ALK: variants seen among roughly 807,000 people sequenced by gnomAD.
ALK encodes the protein ALK receptor tyrosine kinase, also known as ALK tyrosine kinase receptor.
ALK carries 74 observed loss-of-function variants against 163.1 expected under a neutral mutation model. That is an observed-to-expected ratio of 0.45 (90% CI 0.38 to 0.55). The LOEUF (loss-of-function observed/expected upper bound fraction) is 0.55, where lower values mean the gene tolerates loss of function less well. Among genes scored for constraint, ALK ranks in the 20% least tolerant of loss-of-function variants. ALK has a pLI of 0.00. For synonymous variants in ALK, 960 were observed against 843.2 expected (o/e 1.14, Z -2.40); for missense variants, 2,063 against 2,105.3 (o/e 0.98, Z 0.39).
intron 13 of ALK, 42 bp downstream of exon 13, chr2:29,239,638 C>T: frequency 1.9e-6 from 3 of 1,611,534 alleles, no homozygotes; most frequent in Non-Finnish European, 2.5e-6. Flanking sequence ...TTCCCGGGGC[C>T]TGACAGAGTG....
intron 1 of ALK, among the ~76,000 whole-genome samples, chr2:29,858,397 C>G (rs1042980551): frequency 6.6e-6 from 1 of 152,010 alleles, no homozygotes; most frequent in African/African-American, 2.4e-5. Flanking sequence ...CCACCCCCCT[C>G]TCGCACAGCA....
intron 9 of ALK, among the ~76,000 whole-genome samples, chr2:29,291,899 G>A (rs1231709540): frequency 1.3e-5 from 2 of 152,140 alleles, no homozygotes; most frequent in Non-Finnish European, 2.9e-5. Flanking sequence ...GGAGAGTGTT[G>A]TTATTGACAG....
intron 3 of ALK, among the ~76,000 whole-genome samples, chr2:29,676,330 T>A (rs1350027233): frequency 6.6e-6 from 1 of 152,082 alleles, no homozygotes; most frequent in East Asian, 1.9e-4. Context: ...AACTGTATAC[T>A]TTTGGCTCTT....
At chr2:29,658,946 T>A (rs1677269632) in intron 3 of ALK, among the ~76,000 whole-genome samples, 1 of 152,158 alleles carries the variant, frequency 6.6e-6, no homozygotes, top group Admixed American at 6.5e-5. Flanking sequence ...TTCAAAATTA[T>A]GAAGTTTTCA....
chr2:29,730,578 A>G (rs578170103), intron 1 of ALK, among the ~76,000 whole-genome samples: 1 of 152,358 alleles, frequency 6.6e-6, no homozygotes, highest in Admixed American at 6.5e-5. Context: ...ATAAAGGTTT[A>G]ATAAGATAAG....
chr2:29,664,965 G>A (rs1004867914), intron 3 of ALK, among the ~76,000 whole-genome samples: 2 of 151,320 alleles, frequency 1.3e-5, no homozygotes, highest in Non-Finnish European at 2.9e-5. Flanking sequence ...GCCTTCCATT[G>A]AGAACCTGGT....
In ALK at chr2:29,292,308, G is replaced by A. The variant is rs182666277; in HGVS notation, c.1817+4580C>T. Among the ~76,000 whole-genome samples the A allele has an allele frequency of 3.9e-5, 6 of 152,312 alleles. No individual in the cohort carries two copies. The South Asian group carries it at 1.2e-3, about 32-fold the overall frequency. On this transcript the variant is annotated intron_variant, in intron 9 of 28. Transcript: ENST00000389048. ...TCCATCTCATAACGAGTTGAACTTA[G>A]CATGGCTTCTGCTCTGTAAGCGTGT...
chr2:29,604,258 G>C (rs1675476248), intron 3 of ALK, among the ~76,000 whole-genome samples: 1 of 151,694 alleles, frequency 6.6e-6, no homozygotes, highest in Non-Finnish European at 1.5e-5. Flanking sequence ...TCAAATTTCG[G>C]TGTTCATAAG....
chr2:29,851,492 T>C (rs1340725664), intron 1 of ALK, among the ~76,000 whole-genome samples: 1 of 152,196 alleles, frequency 6.6e-6, no homozygotes, highest in African/African-American at 2.4e-5. Flanking sequence ...TCTCAGATTT[T>C]ATTAAAGTCA....
intron 9 of ALK, among the ~76,000 whole-genome samples, chr2:29,276,565 CA>C (rs1249962954): frequency 1.3e-5 from 2 of 152,082 alleles, no homozygotes; most frequent in Non-Finnish European, 2.9e-5. Flanking sequence ...GGTATGAAAA[CA>C]CCAAGAGAAA....
intron 3 of ALK, among the ~76,000 whole-genome samples, chr2:29,638,004 G>A (rs1317064332): frequency 1.7e-5 from 2 of 118,986 alleles, no homozygotes; most frequent in Non-Finnish European, 1.9e-5. Context: ...CAATGTATAT[G>A]TCAATGAAAT....
chr2:29,466,183 C>G lies in ALK; in HGVS notation c.1154+65732G>C, dbSNP rs574925753. 9.8e-5 allele frequency among the ~76,000 whole-genome samples: 15 copies of G among 152,330 alleles called. No homozygotes were observed. The South Asian group carries it at 3.1e-3, about 32-fold the overall frequency. On this transcript the variant is annotated intron_variant, in intron 4 of 28. Coordinates refer to ENST00000389048, the MANE Select transcript of ALK (RefSeq NM_004304.5). The stretch of plus-strand genomic sequence containing the variant: ...TCATGGTTCCAGGGCTTCTGGACAT[C>G]ATGTGGCCTGATTTCTTCCTTCTTC...
chr2:29,282,737 G>A (rs752915324), intron 9 of ALK, among the ~76,000 whole-genome samples: 2 of 152,184 alleles, frequency 1.3e-5, no homozygotes, highest in African/African-American at 2.4e-5. Flanking sequence ...CTAGAAATAA[G>A]AGAGAAAATG....
intron 5 of ALK, among the ~76,000 whole-genome samples, chr2:29,378,233 A>G (rs1353463041): frequency 6.6e-6 from 1 of 152,232 alleles, no homozygotes; most frequent in African/African-American, 2.4e-5. Flanking sequence ...TCTTAGAAAA[A>G]TTGAGAACTT....
chr2:29,558,065 C>T (rs930566299), intron 3 of ALK, among the ~76,000 whole-genome samples: 6 of 152,214 alleles, frequency 3.9e-5, no homozygotes, highest in Admixed American at 6.5e-5. Flanking sequence ...CTTCTGGTTT[C>T]TGGAAGACTG....
At chr2:29,278,508 C>T (rs1042767870) in intron 9 of ALK, among the ~76,000 whole-genome samples, 1 of 152,172 alleles carries the variant, frequency 6.6e-6, no homozygotes, top group African/African-American at 2.4e-5. Flanking sequence ...GGTTTCTCTA[C>T]AAATCTTGGC....
chr2:29,753,714 A>G (rs968146105), intron 1 of ALK, among the ~76,000 whole-genome samples: 2 of 152,162 alleles, frequency 1.3e-5, no homozygotes, highest in Admixed American at 6.5e-5. Context: ...GCAATTTCCA[A>G]TTTCATCCTG....
At chr2:29,387,266 C>T (rs1054306253) in intron 4 of ALK, among the ~76,000 whole-genome samples, 1 of 152,204 alleles carries the variant, frequency 6.6e-6, no homozygotes, top group African/African-American at 2.4e-5. Context: ...TTGAATAAGG[C>T]ACTTCTCTCC....
At chr2:29,707,517 G>T (rs1372565981) in intron 2 of ALK, among the ~76,000 whole-genome samples, 1 of 152,186 alleles carries the variant, frequency 6.6e-6, no homozygotes, top group Non-Finnish European at 1.5e-5. Context: ...CTTGAAGGAT[G>T]AAACAATTTG....
Sources: gnomAD v4.1 joint callset for allele counts (sites outside exome capture counted in the v4.1 genomes callset) on GRCh38, gnomAD v4.1.1 for gene constraint, MANE v1.5 for transcripts, NCBI Gene and HGNC (gene_info 2026-07-23, HGNC 2026-07-21) for gene names.